The following TRIM23 variants were observed in gnomAD, a reference collection of about 807,000 sequenced individuals.
TRIM23 encodes tripartite motif containing 23, also known as E3 ubiquitin-protein ligase TRIM23.
In TRIM23, 27 loss-of-function variants were observed where a neutral mutation model predicts 71.0. That is an observed-to-expected ratio of 0.38 (90% CI 0.28 to 0.52). The LOEUF (loss-of-function observed/expected upper bound fraction) is 0.52, where lower values mean the gene tolerates loss of function less well. Ranked by LOEUF, TRIM23 falls within the 20% of genes least tolerant of loss-of-function variation. TRIM23 has a pLI of 0.84. For missense variants in TRIM23, 482 were observed against 692.3 expected (o/e 0.70, Z 3.41); for synonymous variants, 234 against 238.0 (o/e 0.98, Z 0.16).
At chr5:65,606,227 C>T (rs975079262) in intron 6 of TRIM23, among the ~76,000 whole-genome samples, 4 of 152,026 alleles carry the variant, frequency 2.6e-5, no homozygotes, top group Middle Eastern at 3.2e-3. Context: ...ATGGATCACT[C>T]GAGCCCAGGA....
chr5:65,618,971 TTA>T (rs985647205), intron 1 of TRIM23, among the ~76,000 whole-genome samples: 23 of 152,346 alleles, frequency 1.5e-4, no homozygotes, highest in African/African-American at 5.5e-4. Context: ...GTCCATAAGT[TTA>T]TGTTTTACAA....
rs780918999 is a variant in TRIM23 at position 65,590,450 on chromosome 5, A to G, written c.*1319T>C. 219 of 1,300,116 alleles carry G rather than the reference A, an allele frequency of 1.7e-4. No homozygotes were observed. Among genetic ancestry groups the G allele is most frequent in the Non-Finnish European group, 2.3e-5 (23 of 1,015,278 alleles). The allele number at this position is 1,300,116 out of a possible 1,614,324, so 80.5% of individuals were successfully genotyped here. On this transcript the variant is annotated 3_prime_UTR_variant, in exon 11 of 11. Transcript: ENST00000231524. ...GAAAAGAATGAACCACAACAGTGCT[A>G]CCAAAAAGTCACATCTTGTTACCAG...
intron 7 of TRIM23, among the ~76,000 whole-genome samples, chr5:65,601,287 C>T (rs1461857799): frequency 2.0e-5 from 3 of 152,160 alleles, no homozygotes; most frequent in Admixed American, 2.0e-4. Context: ...GTGGTATACA[C>T]ATTGTATTAG....
At chr5:65,623,174 GT>G (rs1282808286) in intron 1 of TRIM23, among the ~76,000 whole-genome samples, 3 of 152,080 alleles carry the variant, frequency 2.0e-5, no homozygotes, top group African/African-American at 7.2e-5. Flanking sequence ...ATAATCATAG[GT>G]GTCTACTTTT....
chr5:65,591,282 A>G lies in TRIM23; in HGVS notation c.*487T>C, dbSNP rs745863134. On this transcript the variant is annotated 3_prime_UTR_variant, in exon 11 of 11. Transcript: ENST00000231524. The stretch of plus-strand genomic sequence containing the variant: ...CCTATTATCCAAATATGTAGTTTGG[A>G]TTCTATTTCATTAAGCAACTGTCAT... 54 of 1,364,584 alleles carry G rather than the reference A, an allele frequency of 4.0e-5. No homozygotes were observed. The highest frequency in any genetic ancestry group is 5.1e-5 in the Non-Finnish European group (54 of 1,061,084). The allele number at this position is 1,364,584 out of a possible 1,614,324, so 84.5% of individuals were successfully genotyped here. A position where few individuals can be genotyped will look rare whatever the true frequency, so the allele number is the denominator to read the frequency against.
chr5:65,603,573 GA>G (rs1754417090), intron 7 of TRIM23, among the ~76,000 whole-genome samples: 1 of 152,162 alleles, frequency 6.6e-6, no homozygotes, highest in Non-Finnish European at 1.5e-5. Context: ...TATGGGGAAT[GA>G]AGTAAAAAGG....
intron 1 of TRIM23, among the ~76,000 whole-genome samples, chr5:65,619,768 A>G (rs1754876054): frequency 2.0e-5 from 3 of 152,242 alleles, no homozygotes; most frequent in African/African-American, 7.2e-5. Context: ...AAGATGTTCA[A>G]TCTAACTCAT....
At chr5:65,612,640 G>C (rs532333711) in intron 3 of TRIM23, among the ~76,000 whole-genome samples, 1 of 152,202 alleles carries the variant, frequency 6.6e-6, no homozygotes, top group African/African-American at 2.4e-5. Flanking sequence ...CCAACATGGG[G>C]AAAGTCCATC....
At chr5:65,599,786 A>T (rs1253762288) in intron 7 of TRIM23, among the ~76,000 whole-genome samples, 1 of 152,232 alleles carries the variant, frequency 6.6e-6, no homozygotes, top group Admixed American at 6.5e-5. Context: ...TAGCCAAAAC[A>T]ATTTTGAAAA....
chr5:65,603,435 G>C (rs1321936003), intron 7 of TRIM23, among the ~76,000 whole-genome samples: 1 of 151,460 alleles, frequency 6.6e-6, no homozygotes, highest in Admixed American at 6.6e-5. Context: ...AAAAAGAGCA[G>C]GAAAAAAAAA....
intron 3 of TRIM23, among the ~76,000 whole-genome samples, chr5:65,613,227 C>T (rs1271926787): frequency 2.0e-5 from 3 of 152,090 alleles, no homozygotes; most frequent in Non-Finnish European, 2.9e-5. Context: ...CATTAGCTAA[C>T]AGTAATGTCT....
At chr5:65,595,183 G>A (rs1161203243) in intron 9 of TRIM23, among the ~76,000 whole-genome samples, 1 of 152,044 alleles carries the variant, frequency 6.6e-6, no homozygotes, top group African/African-American at 2.4e-5. Flanking sequence ...AGGCTGAGGT[G>A]AGAGGATCAC....
Position 65,596,543 on chromosome 5 carries a change from A to G in TRIM23, c.1310-12T>C. 1.3e-6 allele frequency: 2 copies of G among 1,506,102 alleles called. No homozygotes were observed. The highest frequency in any genetic ancestry group is 1.8e-6 in the Non-Finnish European group (2 of 1,089,616). The allele number at this position is 1,506,102 out of a possible 1,614,324, so 93.3% of individuals were successfully genotyped here. A position where few individuals can be genotyped will look rare whatever the true frequency, so the allele number is the denominator to read the frequency against. On this transcript the variant is annotated splice_polypyrimidine_tract_variant and intron_variant, in intron 8 of 10. Coordinates refer to ENST00000231524, the MANE Select transcript of TRIM23 (RefSeq NM_001656.4). ...TTCCACGTTAAAACCTGTTTTAAAA[A>G]AAAAGTTACTTTTATACTATATTTG...
Position 65,593,298 on chromosome 5 carries a change from G to C in TRIM23, c.1545+1223C>G, listed in dbSNP as rs1344495511. 4.6e-5 allele frequency among the ~76,000 whole-genome samples: 7 copies of C among 152,166 alleles called. No homozygotes were observed. The South Asian group carries it at 1.5e-3, about 32-fold the overall frequency. ...AAAAATACAAAAGTTAGCCGGGTGT[G>C]GTAGCAAGCACCTGTAATCCCAGCT... On this transcript the variant is annotated intron_variant, in intron 10 of 10. Transcript: ENST00000231524.
chr5:65,623,732 G>A (rs911200901), intron 1 of TRIM23, among the ~76,000 whole-genome samples: 2 of 152,078 alleles, frequency 1.3e-5, no homozygotes, highest in Admixed American at 6.6e-5. Context: ...CGGTCAACCC[G>A]GGGCTCTGCC....
At chr5:65,600,642 C>CAAAAAAAAAAAAAAAAAAAAAAAAA (rs1754337762) in intron 7 of TRIM23, among the ~76,000 whole-genome samples, 2 of 117,954 alleles carry the variant, frequency 1.7e-5, no homozygotes, top group African/African-American at 3.2e-5. Flanking sequence ...AAAAAAAAAG[C>CAAAAAAAAAAAAAAAAAAAAAAAAA]AAAAATAGAC....
At position 65,590,197 on chromosome 5, in the gene TRIM23, CT is replaced by C; in HGVS notation, c.*1571del. 5 of 797,816 alleles carry C rather than the reference CT, an allele frequency of 6.3e-6. No homozygotes were observed. Among genetic ancestry groups the C allele is most frequent in the South Asian group, 4.2e-5 (2 of 48,138 alleles). 49.4% of individuals were successfully genotyped at this position (797,816 alleles called of 1,614,324 possible). A position where few individuals can be genotyped will look rare whatever the true frequency, so the allele number is the denominator to read the frequency against. On this transcript the variant is annotated 3_prime_UTR_variant, in exon 11 of 11. Coordinates refer to ENST00000231524, the MANE Select transcript of TRIM23 (RefSeq NM_001656.4). ...CAAGTTCTCACAAGCAATACAACACCTTTTTTATTTTTCACAGTTATTGAAA... is the reference window on the plus strand; with the variant it reads ...CAAGTTCTCACAAGCAATACAACACCTTTTTATTTTTCACAGTTATTGAAA...
At chr5:65,615,673 G>C (rs1245750801) in intron 2 of TRIM23, among the ~76,000 whole-genome samples, 2 of 152,056 alleles carry the variant, frequency 1.3e-5, no homozygotes, top group Non-Finnish European at 2.9e-5. Context: ...TTTACATAAA[G>C]GTTAAGAAGT....
At chr5:65,613,496 A>G (rs935270379) in intron 3 of TRIM23, among the ~76,000 whole-genome samples, 5 of 152,226 alleles carry the variant, frequency 3.3e-5, no homozygotes, top group East Asian at 1.9e-4. Context: ...GCCATGTCCT[A>G]TAGTACATAT....
Sources: allele counts gnomAD v4.1 joint callset (sites outside exome capture counted in the v4.1 genomes callset), GRCh38; gene constraint gnomAD v4.1.1; transcripts MANE v1.5; gene names NCBI Gene and HGNC (gene_info 2026-07-23, HGNC 2026-07-21).